Variants in SEPTIN9 observed in about 807,000 individuals in gnomAD.
The protein encoded by SEPTIN9 is septin 9, also known as septin-9.
A neutral mutation model predicts 56.6 loss-of-function variants in SEPTIN9; 13 were observed. The observed-to-expected ratio is 0.23, with a 90% confidence interval of 0.15 to 0.37. SEPTIN9 has a LOEUF of 0.37. SEPTIN9 is among the 10% of genes least tolerant of loss of function. The pLI, the probability that SEPTIN9 is intolerant of heterozygous loss-of-function variation, is 1.00. For missense variants in SEPTIN9, 650 were observed against 823.1 expected, an observed-to-expected ratio of 0.79 and a Z score of 2.57; for synonymous variants, 332 against 334.1, an observed-to-expected ratio of 0.99 and a Z score of 0.07.
At chr17:77,444,038 T>A (rs1598384195) in intron 3 of SEPTIN9, among the ~76,000 whole-genome samples, 1 of 151,668 alleles carries the variant, frequency 6.6e-6, no homozygotes, top group East Asian at 1.9e-4. Flanking sequence ...GGGGGTCACA[T>A]ATGATGGAGG....
At chr17:77,406,902 C>T (rs1310085697) in intron 3 of SEPTIN9, among the ~76,000 whole-genome samples, 1 of 152,056 alleles carries the variant, frequency 6.6e-6, no homozygotes, top group African/African-American at 2.4e-5. Context: ...AACTCCTGAC[C>T]TCGTGACCCA....
intron 3 of SEPTIN9, among the ~76,000 whole-genome samples, chr17:77,427,491 C>T (rs917606669): frequency 6.6e-6 from 1 of 152,228 alleles, no homozygotes; most frequent in Non-Finnish European, 1.5e-5. Context: ...CCCCCGTCCT[C>T]CGGGCTCTGG....
chr17:77,490,929 C>A, intron 8 of SEPTIN9, 70 bp downstream of exon 8: 2 of 1,217,222 alleles, frequency 1.6e-6, no homozygotes, highest in Non-Finnish European at 2.4e-6. Flanking sequence ...TGGCAGGGGC[C>A]ACCCCGTCTA....
rs566597932 is a variant in SEPTIN9, at chr17:77,434,964, A to C, written c.721+32261A>C. Among the ~76,000 whole-genome samples the C allele has an allele frequency of 6.6e-6, 1 of 152,268 alleles. No individual in the cohort carries two copies. Among genetic ancestry groups the C allele is most frequent in the South Asian group, 2.1e-4 (1 of 4,816 alleles). ...GCCGACATCAGGCTGCCGGTGCTGG[A>C]CGGGGCCCTGGCAACCGTGGCAGGA... On this transcript the variant is annotated intron_variant, in intron 3 of 11. Transcript: ENST00000427177. The surrounding 1 kb of genome is among the most constrained non-coding windows in gnomAD (Gnocchi z 5.0).
chr17:77,498,676 C>CCCCGGGGCCTG lies in SEPTIN9; in HGVS notation c.*20_*21insCGGGGCCTGCC. The CCCCGGGGCCTG allele has an allele frequency of 6.6e-7, 1 of 1,525,766 alleles. No individual in the cohort carries two copies. Among genetic ancestry groups the CCCCGGGGCCTG allele is most frequent in the South Asian group, 1.2e-5 (1 of 86,070 alleles). 94.5% of individuals were successfully genotyped at this position (1,525,766 alleles called of 1,614,324 possible). On this transcript the variant is annotated 3_prime_UTR_variant, in exon 12 of 12. Coordinates refer to ENST00000427177, the MANE Select transcript of SEPTIN9 (RefSeq NM_001113491.2). ...AGATGTAGACGCCACCCTGCCCACC[C>CCCCGGGGCCTG]CCGGGATCCTGCCCCCAAGTCATTT... is the stretch of plus-strand genomic sequence containing the variant.
At chr17:77,440,020 G>A (rs1344820819) in intron 3 of SEPTIN9, among the ~76,000 whole-genome samples, 1 of 152,200 alleles carries the variant, frequency 6.6e-6, no homozygotes, top group African/African-American at 2.4e-5. Context: ...CAGCACCCAG[G>A]GGACTGTTAG....
chr17:77,328,883 G>T (rs1340594364), intron 2 of SEPTIN9, among the ~76,000 whole-genome samples: 5 of 152,222 alleles, frequency 3.3e-5, no homozygotes, highest in African/African-American at 9.7e-5. Context: ...TGTGTGTGTG[G>T]CGAGGGGATT....
At chr17:77,479,704 TGGGGGCGAGAAAGGAGAGTTCA>T (rs370394205) in intron 3 of SEPTIN9, among the ~76,000 whole-genome samples, 3,148 of 139,182 alleles carry the variant, frequency 0.023, 76 homozygotes, top group South Asian at 0.099. Flanking sequence ...CCAGGGGCGT[TGGGGGCGAGAAAGGAGAGTTCA>T]GGGGGCAGCG....
At chr17:77,309,134 T>C (rs2032382862) in intron 2 of SEPTIN9, among the ~76,000 whole-genome samples, 2 of 152,208 alleles carry the variant, frequency 1.3e-5, no homozygotes, top group Middle Eastern at 3.4e-3. Context: ...GTGGGGAGGG[T>C]CCCCCAGTTC....
At chr17:77,444,019 T>G (rs1313735635) in intron 3 of SEPTIN9, among the ~76,000 whole-genome samples, 3 of 152,010 alleles carry the variant, frequency 2.0e-5, no homozygotes, top group Non-Finnish European at 4.4e-5. Flanking sequence ...AGGGTCTGAC[T>G]CTGGGGGTGG....
At chr17:77,404,047 G>A (rs1401870248) in intron 3 of SEPTIN9, among the ~76,000 whole-genome samples, 1 of 152,146 alleles carries the variant, frequency 6.6e-6, no homozygotes, top group Non-Finnish European at 1.5e-5. Context: ...TGCCCATTTT[G>A]TGTCTGGCTC....
At chr17:77,292,764 G>A (rs889292700) in intron 1 of SEPTIN9, among the ~76,000 whole-genome samples, 9 of 152,000 alleles carry the variant, frequency 5.9e-5, no homozygotes, top group Non-Finnish European at 1.3e-4. Flanking sequence ...AAAGTGCTGA[G>A]ATTACGGGCA....
chr17:77,433,793 G>T lies in SEPTIN9; in HGVS notation c.721+31090G>T, dbSNP rs2037238822. The stretch of plus-strand genomic sequence containing the variant: ...GTGCACCCCTGCCCTCCCCTCCTGG[G>T]TATCCCCTGCGCCCCCCGCCCCAGG... On this transcript the variant is annotated intron_variant, in intron 3 of 11. Coordinates refer to ENST00000427177, the MANE Select transcript of SEPTIN9 (RefSeq NM_001113491.2). This position sits in a 1 kb window ranked among gnomAD's most constrained non-coding sequence, Gnocchi z 6.4. Among the ~76,000 whole-genome samples, 1 of 152,046 alleles carries T rather than the reference G, an allele frequency of 6.6e-6. No homozygotes were observed.
intron 2 of SEPTIN9, among the ~76,000 whole-genome samples, chr17:77,358,030 G>A (rs1410064027): frequency 6.6e-6 from 1 of 152,170 alleles, no homozygotes; most frequent in African/African-American, 2.4e-5. Flanking sequence ...TTTTAGGCCA[G>A]GCACTTTTCA....
chr17:77,447,221 G>C (rs565312828), intron 3 of SEPTIN9: 1 of 166,978 alleles, frequency 6.0e-6, no homozygotes, highest in African/African-American at 2.4e-5. Context: ...TGTGGAGTGC[G>C]TAGGCCTCCG....
At chr17:77,345,731 C>G (rs1024956125) in intron 2 of SEPTIN9, among the ~76,000 whole-genome samples, 3 of 152,214 alleles carry the variant, frequency 2.0e-5, no homozygotes, top group African/African-American at 7.2e-5. Context: ...GGAAGAGAAG[C>G]TGCTACCTCA....
At chr17:77,408,868 G>T (rs1237713148) in intron 3 of SEPTIN9, among the ~76,000 whole-genome samples, 1 of 152,148 alleles carries the variant, frequency 6.6e-6, no homozygotes, top group African/African-American at 2.4e-5. Flanking sequence ...CCTATCCCTG[G>T]ACTGTGGACT....
intron 3 of SEPTIN9, among the ~76,000 whole-genome samples, chr17:77,452,093 T>C (rs779624654): frequency 1.2e-4 from 19 of 152,108 alleles, no homozygotes; most frequent in Non-Finnish European, 2.6e-4. Context: ...TTCCTGGATG[T>C]GTTGGATATG....
At chr17:77,352,342 G>A (rs2034091852) in intron 2 of SEPTIN9, among the ~76,000 whole-genome samples, 1 of 152,098 alleles carries the variant, frequency 6.6e-6, no homozygotes, top group South Asian at 2.1e-4. Flanking sequence ...TGGAGGTGGA[G>A]GTTGCAGTGA....
Sources: gnomAD v4.1 joint callset for allele counts (sites outside exome capture counted in the v4.1 genomes callset) on GRCh38, gnomAD v4.1.1 for gene constraint, Gnocchi (gnomAD v3.1) non-coding constraint, MANE v1.5 for transcripts, NCBI Gene and HGNC (gene_info 2026-07-23, HGNC 2026-07-21) for gene names.